The following NFATC1 variants were observed in gnomAD, a reference collection of about 807,000 sequenced individuals.
NFATC1 encodes nuclear factor of activated T-cells, cytoplasmic 1.
In NFATC1, 22 loss-of-function variants were observed where a neutral mutation model predicts 76.0. The observed-to-expected ratio is 0.29, with a 90% CI of 0.21 to 0.41. The LOEUF (loss-of-function observed/expected upper bound fraction) is 0.41, where lower values mean the gene tolerates loss of function less well. Among genes scored for constraint, NFATC1 ranks in the 10% least tolerant of loss-of-function variants. The probability of loss-of-function intolerance (pLI) is 1.00; values close to 1 mark genes in which losing one functional copy is unlikely to be tolerated. For synonymous variants in NFATC1, 704 were observed against 613.1 expected (o/e 1.15, Z -2.19); for missense variants, 1,357 against 1,337.7 (o/e 1.01, Z -0.23).
chr18:79,396,090 T>G lies in NFATC1; in HGVS notation c.-135T>G. ...CGCCACGCGCGCACACGCCCCTCGA[T>G]GACTTTCCTCCGGGGCGCGCGGCGC... On this transcript the variant is annotated 5_prime_UTR_variant, in exon 1 of 10. The change abolishes an upstream ATG in the 5' untranslated region. Coordinates refer to ENST00000427363, the MANE Select transcript of NFATC1 (RefSeq NM_001278669.2). The G allele has an allele frequency of 9.1e-7, 1 of 1,098,006 alleles. No homozygotes were observed. Among genetic ancestry groups the G allele is most frequent in the Non-Finnish European group, 1.1e-6 (1 of 881,476 alleles). 68.0% of individuals were successfully genotyped at this position (1,098,006 alleles called of 1,614,324 possible).
chr18:79,457,237 C>A (rs2087782073), intron 6 of NFATC1, among the ~76,000 whole-genome samples: 5 of 152,160 alleles, frequency 3.3e-5, no homozygotes, highest in Admixed American at 3.3e-4. Context: ...AGGGCAGCGC[C>A]CGGGGAAGAG....
intron 1 of NFATC1, among the ~76,000 whole-genome samples, chr18:79,407,438 C>T (rs1286968916): frequency 6.6e-6 from 1 of 152,134 alleles, no homozygotes; most frequent in African/African-American, 2.4e-5. Context: ...AGAAAGACCT[C>T]CTTATTGATT....
At chr18:79,457,105 C>T (rs1415155037) in intron 6 of NFATC1, among the ~76,000 whole-genome samples, 1 of 152,246 alleles carries the variant, frequency 6.6e-6, no homozygotes, top group Non-Finnish European at 1.5e-5. Context: ...GCCGTGTGCT[C>T]CGAGAGAGGA....
chr18:79,513,229 G>A (rs1016578149), intron 9 of NFATC1, among the ~76,000 whole-genome samples: 2 of 152,218 alleles, frequency 1.3e-5, no homozygotes, highest in Non-Finnish European at 1.5e-5. Flanking sequence ...CACTGGGACC[G>A]CTGCAGAGAC....
At position 79,465,061 on chromosome 18, in the gene NFATC1, A is replaced by G. The variant is rs61080448; in HGVS notation, c.1960-2389A>G. Among the ~76,000 whole-genome samples the G allele has an allele frequency of 0.063, 9,544 of 151,972 alleles. 992 individuals carry two copies. Among genetic ancestry groups the G allele is most frequent in the African/African-American group, 0.22 (8,964 of 41,390 alleles). ...TGTGTCTACGGTTTTTGTACTTTCT[A>G]TAAGTAAGTGTATGAGCTTCATCTC... On this transcript the variant is annotated intron_variant, in intron 7 of 9. Coordinates refer to ENST00000427363, the MANE Select transcript of NFATC1 (RefSeq NM_001278669.2). This position sits in a 1 kb window ranked among gnomAD's most constrained non-coding sequence, Gnocchi z 4.2.
intron 9 of NFATC1, among the ~76,000 whole-genome samples, chr18:79,501,241 A>G (rs552877951): frequency 6.6e-6 from 1 of 152,374 alleles, no homozygotes; most frequent in African/African-American, 2.4e-5. Context: ...GATCATTTCA[A>G]TAAATGCAAG....
intron 7 of NFATC1, among the ~76,000 whole-genome samples, chr18:79,464,702 A>ATATATATATATATATAT (rs1425452711): frequency 4.3e-5 from 3 of 69,318 alleles, no homozygotes; most frequent in African/African-American, 7.4e-5. Context: ...ATATTTATTT[A>ATATATATATATATATAT]TTTATTTATT....
In NFATC1 at chr18:79,465,288, G is replaced by C. The variant is rs1218560887; in HGVS notation, c.1960-2162G>C. Among the ~76,000 whole-genome samples, 1 of 152,176 alleles carries C rather than the reference G, an allele frequency of 6.6e-6. No homozygotes were observed. The highest frequency in any genetic ancestry group is 1.5e-5 in the Non-Finnish European group (1 of 68,028). On this transcript the variant is annotated intron_variant, in intron 7 of 9. Coordinates refer to ENST00000427363, the MANE Select transcript of NFATC1 (RefSeq NM_001278669.2). The surrounding 1 kb of genome is among the most constrained non-coding windows in gnomAD (Gnocchi z 4.2). ...ATTTGTCTATTTAGAGAGTTGAAGT[G>C]GGTTGGCCTGTGCCCACATCAACAT... is the stretch of plus-strand genomic sequence containing the variant.
chr18:79,503,814 C>A (rs950854676), intron 9 of NFATC1, among the ~76,000 whole-genome samples: 2 of 152,232 alleles, frequency 1.3e-5, no homozygotes, highest in Non-Finnish European at 2.9e-5. Flanking sequence ...CCACCTTCAC[C>A]AATGGTCTCA....
chr18:79,516,533 C>T (rs2090389163), intron 9 of NFATC1, among the ~76,000 whole-genome samples: 1 of 152,160 alleles, frequency 6.6e-6, no homozygotes, highest in African/African-American at 2.4e-5. Context: ...TGTTCTTACC[C>T]CGTTTCTCAG....
At chr18:79,490,856 C>T (rs1475032112) in intron 9 of NFATC1, among the ~76,000 whole-genome samples, 1 of 152,162 alleles carries the variant, frequency 6.6e-6, no homozygotes, top group East Asian at 1.9e-4. Context: ...ACCTGGAACC[C>T]ACACCCCAGG....
chr18:79,430,206 A>G (rs897874094), intron 2 of NFATC1, among the ~76,000 whole-genome samples: 74 of 152,236 alleles, frequency 4.9e-4, no homozygotes, highest in Non-Finnish European at 9.7e-4. Flanking sequence ...TCAGCTGCAG[A>G]GTGGTTTAGA....
At chr18:79,481,159 C>A (rs1336183746) in intron 8 of NFATC1, among the ~76,000 whole-genome samples, 1 of 152,224 alleles carries the variant, frequency 6.6e-6, no homozygotes, top group African/African-American at 2.4e-5. Flanking sequence ...GGCTCCCCAT[C>A]GTCTGGCTTT....
intron 8 of NFATC1, chr18:79,469,128 G>A (rs9951533): frequency 0.052 from 11,918 of 230,236 alleles, 1,470 homozygotes; most frequent in African/African-American, 0.26. Flanking sequence ...AGTGAGTCCA[G>A]CCCATTCTTG....
At chr18:79,415,269 A>G (rs748873933) in intron 2 of NFATC1, among the ~76,000 whole-genome samples, 7 of 152,054 alleles carry the variant, frequency 4.6e-5, no homozygotes, top group Non-Finnish European at 8.8e-5. Context: ...CTTGAATTCA[A>G]TTTCTTTTTA....
chr18:79,436,544 C>A (rs1448144423), intron 3 of NFATC1, among the ~76,000 whole-genome samples: 1 of 152,134 alleles, frequency 6.6e-6, no homozygotes, highest in Non-Finnish European at 1.5e-5. Context: ...CCGGCGTCCG[C>A]GTCCTCCCAC....
intron 7 of NFATC1, among the ~76,000 whole-genome samples, chr18:79,461,599 C>G (rs2088100818): frequency 6.6e-6 from 1 of 152,254 alleles, no homozygotes; most frequent in African/African-American, 2.4e-5. Flanking sequence ...CGTCAGAGCC[C>G]TGGCGGCCGG....
chr18:79,419,573 C>G (rs923763091), intron 2 of NFATC1, among the ~76,000 whole-genome samples: 6 of 152,174 alleles, frequency 3.9e-5, no homozygotes, highest in Non-Finnish European at 5.9e-5. Context: ...GGGTCAGAAC[C>G]TGCCTGGTTA....
intron 9 of NFATC1, among the ~76,000 whole-genome samples, chr18:79,488,101 G>A (rs1026724440): frequency 8.5e-5 from 13 of 152,184 alleles, no homozygotes; most frequent in East Asian, 1.9e-4. Flanking sequence ...ACTCCCGGGC[G>A]TCAGGAGCTC....
Sources: gnomAD v4.1 joint callset for allele counts (sites outside exome capture counted in the v4.1 genomes callset) on GRCh38, gnomAD v4.1.1 for gene constraint, Gnocchi (gnomAD v3.1) non-coding constraint, MANE v1.5 for transcripts, NCBI Gene and HGNC (gene_info 2026-07-23, HGNC 2026-07-21) for gene names.